The following CHODL variants were observed in gnomAD, a reference collection of about 807,000 sequenced individuals.
CHODL encodes the protein chondrolectin, also known as transmembrane protein MT75.
In CHODL, 29 loss-of-function variants were observed where a neutral mutation model predicts 34.5. That is an observed-to-expected ratio of 0.84 (90% CI 0.63 to 1.15). The LOEUF is 1.15. Among genes scored for constraint, CHODL ranks in the 50% most tolerant of loss-of-function variants. CHODL has a pLI of 0.00. For synonymous variants in CHODL, 125 were observed against 116.1 expected (o/e 1.08, Z -0.49); for missense variants, 332 against 332.5 (o/e 1.00, Z 0.01).
intron 1 of CHODL, among the ~76,000 whole-genome samples, chr21:18,016,984 C>T (rs1474412379): frequency 6.6e-6 from 1 of 152,238 alleles, no homozygotes; most frequent in Non-Finnish European, 1.5e-5. Flanking sequence ...GGAAGAGGAG[C>T]ATTTACTTAA....
chr21:18,260,519 A>C (rs1359435913), intron 4 of CHODL, among the ~76,000 whole-genome samples: 1 of 152,172 alleles, frequency 6.6e-6, no homozygotes, highest in Non-Finnish European at 1.5e-5. Context: ...ATCCACATTA[A>C]AATTTGGATC....
At chr21:18,175,350 T>C (rs1048886340) in intron 2 of CHODL, among the ~76,000 whole-genome samples, 1 of 152,172 alleles carries the variant, frequency 6.6e-6, no homozygotes, top group African/African-American at 2.4e-5. Context: ...TCTCAGCACT[T>C]TGGGAGACCA....
At chr21:18,223,644 C>T (rs1301019563) in intron 2 of CHODL, among the ~76,000 whole-genome samples, 2 of 152,118 alleles carry the variant, frequency 1.3e-5, no homozygotes, top group African/African-American at 4.8e-5. Context: ...AGGTGTGTTT[C>T]TCCCGTCGTT....
At chr21:17,970,600 T>A (rs1419649973) in intron 1 of CHODL, among the ~76,000 whole-genome samples, 1 of 152,006 alleles carries the variant, frequency 6.6e-6, no homozygotes, top group East Asian at 1.9e-4. Flanking sequence ...GTTTTTTAAT[T>A]TTTTTTTATT....
At chr21:18,062,483 T>C (rs2064679960) in intron 2 of CHODL, among the ~76,000 whole-genome samples, 1 of 151,770 alleles carries the variant, frequency 6.6e-6, no homozygotes, top group African/African-American at 2.4e-5. Flanking sequence ...AGTGTAGACA[T>C]TGAGGGGCGT....
chr21:18,100,107 A>C (rs1491767), intron 2 of CHODL: 1 of 151,960 alleles, frequency 6.6e-6, no homozygotes, highest in African/African-American at 2.4e-5. Flanking sequence ...AATAAGTTAC[A>C]TAAGAGAAGA....
rs1012540495 is a variant in CHODL at position 18,245,085 on chromosome 21, G to A, written c.-139G>A. On this transcript the variant is annotated 5_prime_UTR_variant, in exon 1 of 6. Transcript: ENST00000299295. Reference sequence around the variant, plus strand: ...CCGGCCGAAGGCGATGCGCGCAGGGGGTCGGGCAGCTGGGCTCGGGCGGCG... The same window carrying A: ...CCGGCCGAAGGCGATGCGCGCAGGGAGTCGGGCAGCTGGGCTCGGGCGGCG... The A allele has an allele frequency of 4.5e-6, 3 of 663,432 alleles. No homozygotes were observed. Among genetic ancestry groups the A allele is most frequent in the Admixed American group, 4.3e-5 (1 of 23,480 alleles). 41.1% of individuals were successfully genotyped at this position (663,432 alleles called of 1,614,324 possible).
upstream of CHODL, among the ~76,000 whole-genome samples, chr21:18,241,647 C>T (rs117560444): frequency 2.9e-4 from 44 of 152,172 alleles, no homozygotes; most frequent in East Asian, 7.2e-3. Context: ...TTCCTTGAGA[C>T]GTATTGATGG....
chr21:18,055,681 C>A (rs1191283958), intron 2 of CHODL, among the ~76,000 whole-genome samples: 1 of 151,964 alleles, frequency 6.6e-6, no homozygotes, highest in African/African-American at 2.4e-5. Flanking sequence ...GAGAGTGGGG[C>A]ATTGTGTTTT....
At chr21:18,012,941 AT>A (rs2064033400) in intron 1 of CHODL, among the ~76,000 whole-genome samples, 1 of 151,262 alleles carries the variant, frequency 6.6e-6, no homozygotes, top group Non-Finnish European at 1.5e-5. Flanking sequence ...GCGTAAAAAA[AT>A]AGTATGTAGA....
chr21:18,189,474 C>G (rs2073485207), intron 2 of CHODL, among the ~76,000 whole-genome samples: 1 of 152,092 alleles, frequency 6.6e-6, no homozygotes, highest in African/African-American at 2.4e-5. Flanking sequence ...TTAGTCTAGT[C>G]TCAACCTTTG....
At chr21:18,166,018 C>T (rs904107612) in intron 2 of CHODL, among the ~76,000 whole-genome samples, 2 of 152,126 alleles carry the variant, frequency 1.3e-5, no homozygotes, top group Admixed American at 6.5e-5. Flanking sequence ...CTGGGCTCAC[C>T]TTAGCTGAAT....
intron 1 of CHODL, among the ~76,000 whole-genome samples, chr21:17,970,402 ACTT>A (rs2063605206): frequency 6.6e-6 from 1 of 152,118 alleles, no homozygotes; most frequent in Non-Finnish European, 1.5e-5. Flanking sequence ...AAACCTCAAC[ACTT>A]ACTGTAATAA....
intron 2 of CHODL, among the ~76,000 whole-genome samples, chr21:18,196,015 C>T (rs2073583597): frequency 6.6e-6 from 1 of 152,144 alleles, no homozygotes; most frequent in Non-Finnish European, 1.5e-5. Flanking sequence ...ATATCCTCAT[C>T]ACCTTAGTTT....
At chr21:18,065,486 A>G (rs1357830859) in intron 2 of CHODL, among the ~76,000 whole-genome samples, 1 of 152,190 alleles carries the variant, frequency 6.6e-6, no homozygotes, top group Non-Finnish European at 1.5e-5. Flanking sequence ...GTGTTTGAAT[A>G]CTTGAAACTT....
At chr21:18,157,960 A>G (rs2073053553) in intron 2 of CHODL, among the ~76,000 whole-genome samples, 1 of 152,168 alleles carries the variant, frequency 6.6e-6, no homozygotes, top group Non-Finnish European at 1.5e-5. Context: ...AAGAAGTAAA[A>G]AAAAAAGAGA....
chr21:18,133,979 C>T (rs997895257), intron 2 of CHODL, among the ~76,000 whole-genome samples: 2 of 152,140 alleles, frequency 1.3e-5, no homozygotes, highest in Admixed American at 6.6e-5. Flanking sequence ...ATTATATCAT[C>T]TGTATCAATT....
At chr21:18,038,078 C>A (rs910962781) in intron 2 of CHODL, among the ~76,000 whole-genome samples, 5 of 151,602 alleles carry the variant, frequency 3.3e-5, no homozygotes, top group African/African-American at 1.2e-4. Flanking sequence ...GGTACTTTCT[C>A]TTTTGGTGAA....
At chr21:18,156,478 C>T (rs984777212) in intron 2 of CHODL, among the ~76,000 whole-genome samples, 25 of 151,854 alleles carry the variant, frequency 1.6e-4, no homozygotes, top group African/African-American at 5.1e-4. Context: ...TAAAAATTAA[C>T]GTTTTAAAAA....
Sources: allele counts gnomAD v4.1 joint callset (sites outside exome capture counted in the v4.1 genomes callset), GRCh38; gene constraint gnomAD v4.1.1; transcripts MANE v1.5; gene names NCBI Gene and HGNC (gene_info 2026-07-23, HGNC 2026-07-21).